Variants in POLA1 observed in about 807,000 individuals in gnomAD.
POLA1 encodes the protein DNA polymerase alpha catalytic subunit.
In POLA1, 15 loss-of-function variants were observed where a neutral mutation model predicts 124.0. That is an observed-to-expected ratio of 0.12 (90% confidence interval 0.08 to 0.19). The LOEUF is 0.19. POLA1 is among the 10% of genes least tolerant of loss of function. The probability of loss-of-function intolerance (pLI) is 1.00; values close to 1 mark genes in which losing one functional copy is unlikely to be tolerated. For missense variants in POLA1, 886 were observed against 1,103.4 expected, an observed-to-expected ratio of 0.80 and a Z score of 2.79; for synonymous variants, 408 against 389.4, an observed-to-expected ratio of 1.05 and a Z score of -0.56.
intron 10 of POLA1, among the ~76,000 whole-genome samples, chrX:24,718,706 C>T (rs1316514946): frequency 1.0e-5 from 1 of 100,166 alleles, no homozygotes; most frequent in Non-Finnish European, 1.9e-5. Flanking sequence ...TGCATGTGTG[C>T]GTGTGCACAC....
chrX:24,899,383 C>T (rs2047245357), intron 35 of POLA1, among the ~76,000 whole-genome samples: 1 of 111,611 alleles, frequency 9.0e-6, no homozygotes, highest in African/African-American at 3.3e-5. Context: ...AATTGCATTA[C>T]TGAAATATAT....
At chrX:24,881,811 G>T (rs766346286) in intron 34 of POLA1, among the ~76,000 whole-genome samples, 1 of 111,679 alleles carries the variant, frequency 9.0e-6, no homozygotes, top group Non-Finnish European at 1.9e-5. Context: ...TTTAGGCAGA[G>T]GTTCTCCAGC....
intron 34 of POLA1, among the ~76,000 whole-genome samples, chrX:24,866,682 T>C (rs1463328511): frequency 4.5e-5 from 5 of 112,115 alleles, no homozygotes; most frequent in Non-Finnish European, 9.4e-5. Context: ...AAAGAAAAAG[T>C]GATCATGCTT....
At chrX:24,846,143 A>G (rs1347368971) in intron 34 of POLA1, among the ~76,000 whole-genome samples, 1 of 112,178 alleles carries the variant, frequency 8.9e-6, no homozygotes, top group Admixed American at 9.5e-5. Flanking sequence ...ACTAAATATG[A>G]TATAACAAAT....
chrX:24,894,861 A>G (rs2047187652), intron 35 of POLA1, among the ~76,000 whole-genome samples: 1 of 107,194 alleles, frequency 9.3e-6, no homozygotes, highest in Non-Finnish European at 1.9e-5. Context: ...GTCACAGCTC[A>G]CTGAAGCCTC....
chrX:24,936,571 G>A (rs1452185548), intron 36 of POLA1, among the ~76,000 whole-genome samples: 1 of 111,036 alleles, frequency 9.0e-6, no homozygotes, highest in African/African-American at 3.3e-5. Context: ...TCACTCTGTC[G>A]CCCAGGCTAG....
intron 34 of POLA1, among the ~76,000 whole-genome samples, chrX:24,847,686 G>T (rs772384942): frequency 8.9e-6 from 1 of 112,189 alleles, no homozygotes; most frequent in Non-Finnish European, 1.9e-5. Flanking sequence ...TAAGCTTTTT[G>T]AGGACAGGGG....
chrX:24,906,682 T>C lies in POLA1; in HGVS notation c.4164+18560T>C, dbSNP rs1424919197. Among the ~76,000 whole-genome samples, 6 of 111,400 alleles carry C rather than the reference T, an allele frequency of 5.4e-5. No individual in the cohort carries two copies. The East Asian group carries it at 1.7e-3, about 31-fold the overall frequency. On this transcript the variant is annotated intron_variant, in intron 35 of 36. Coordinates refer to ENST00000379068, the MANE Select transcript of POLA1 (RefSeq NM_001330360.2). ...CCCCCAAAAACTATTGAAATAATTT[T>C]TTTTTAACTCACAGAGTGGTTGGAA...
intron 35 of POLA1, among the ~76,000 whole-genome samples, chrX:24,905,618 A>G (rs2047355988): frequency 2.3e-5 from 2 of 85,203 alleles, no homozygotes; most frequent in African/African-American, 9.3e-5. Context: ...GCTGGGGTGA[A>G]GTGGCGCAAT....
In POLA1 at chrX:24,739,394, A is replaced by G; in HGVS notation, c.2060A>G (p.Glu687Gly). The G allele has an allele frequency of 8.4e-7, 1 of 1,192,368 alleles. No homozygotes were observed. The highest frequency in any genetic ancestry group is 1.1e-6 in the Non-Finnish European group (1 of 885,909). ...TTGTAGGGCCGGAGTGGATTTGGTG[A>G]AAGAAATGCTACCTGTGGTCGAATG... Reference protein sequence around the residue: ...PKLGGRSGFGERNATCGRMIC... With the variant: ...PKLGGRSGFGGRNATCGRMIC... The change falls in exon 20 of 37, where the codon GAA (glutamate) becomes GGA (glycine). Residue 687 changes from glutamate (E) to glycine (G), a missense_variant. Physicochemically the swap from Glu to Gly is moderately conservative, Grantham distance 98 (BLOSUM62 -2). This residue lies in a region of POLA1 where 182 missense variants were observed against 252.8 expected (regional missense o/e 0.72). Coordinates refer to ENST00000379068, the MANE Select transcript of POLA1 (RefSeq NM_001330360.2).
At chrX:24,750,000 G>A (rs1054567802) in intron 26 of POLA1, among the ~76,000 whole-genome samples, 10 of 111,978 alleles carry the variant, frequency 8.9e-5, no homozygotes, top group Middle Eastern at 9.3e-3. Flanking sequence ...TTATATTGGG[G>A]GGTCTGTACT....
chrX:24,823,901 G>A (rs750058760), intron 31 of POLA1, among the ~76,000 whole-genome samples: 2 of 112,582 alleles, frequency 1.8e-5, no homozygotes, highest in Non-Finnish European at 1.9e-5. Context: ...GGTTGTTAGC[G>A]CATTAAACCT....
intron 11 of POLA1, among the ~76,000 whole-genome samples, chrX:24,723,967 C>T (rs1930370985): frequency 8.9e-6 from 1 of 112,973 alleles, no homozygotes; most frequent in African/African-American, 3.2e-5. Context: ...GCATGAGCCA[C>T]TGCGCTCAGT....
chrX:24,881,332 A>G (rs1230430087), intron 34 of POLA1, among the ~76,000 whole-genome samples: 1 of 111,697 alleles, frequency 9.0e-6, no homozygotes, highest in African/African-American at 3.3e-5. Flanking sequence ...ATGTTCCCCA[A>G]TACCAGAGAC....
intron 36 of POLA1, among the ~76,000 whole-genome samples, chrX:24,938,041 G>T (rs1057198110): frequency 8.9e-6 from 1 of 112,466 alleles, no homozygotes; most frequent in Non-Finnish European, 1.9e-5. Flanking sequence ...TTGTTTCTTC[G>T]TAACTAGAAG....
At chrX:24,975,729 C>T (rs745947652) in intron 36 of POLA1, among the ~76,000 whole-genome samples, 1 of 112,521 alleles carries the variant, frequency 8.9e-6, no homozygotes, top group South Asian at 3.7e-4. Flanking sequence ...CTGGCCCACA[C>T]ATTGTAAACT....
At chrX:24,806,091 T>G (rs2045795745) in intron 26 of POLA1, among the ~76,000 whole-genome samples, 2 of 57,287 alleles carry the variant, frequency 3.5e-5, no homozygotes, top group Admixed American at 2.2e-4. Context: ...TTTTTTTTTT[T>G]TTTTTTTTTT....
intron 35 of POLA1, among the ~76,000 whole-genome samples, chrX:24,927,367 G>A (rs886305397): frequency 8.9e-6 from 1 of 111,902 alleles, no homozygotes; most frequent in Non-Finnish European, 1.9e-5. Flanking sequence ...AAAAACGGTG[G>A]TATTAAAGCA....
chrX:24,844,307 T>C (rs2046447179), intron 34 of POLA1, among the ~76,000 whole-genome samples: 1 of 112,021 alleles, frequency 8.9e-6, no homozygotes, highest in Non-Finnish European at 1.9e-5. Context: ...TTTTTGTTTT[T>C]AACGCATTTC....
Sources: gnomAD v4.1 joint callset for allele counts (sites outside exome capture counted in the v4.1 genomes callset) on GRCh38, gnomAD v4.1.1 for gene constraint, gnomAD v4.1.1 regional missense constraint, MANE v1.5 for transcripts, NCBI Gene and HGNC (gene_info 2026-07-23, HGNC 2026-07-21) for gene names.